The following KCTD8 variants were observed in gnomAD, a reference collection of about 807,000 sequenced individuals.
KCTD8 encodes the protein BTB/POZ domain-containing protein KCTD8.
KCTD8 carries 27 observed loss-of-function variants against 31.5 expected under a neutral mutation model. That is an observed-to-expected ratio of 0.86 (90% CI 0.63 to 1.18). The LOEUF is 1.18. KCTD8 is among the 50% of genes most tolerant of loss of function. The probability of loss-of-function intolerance (pLI) is 0.00; values close to 1 mark genes in which losing one functional copy is unlikely to be tolerated. For synonymous variants in KCTD8, 290 were observed against 280.0 expected, an observed-to-expected ratio of 1.04 and a Z score of -0.36; for missense variants, 658 against 647.7, an observed-to-expected ratio of 1.02 and a Z score of -0.17.
chr4:44,252,481 A>G (rs1417540120), intron 1 of KCTD8, among the ~76,000 whole-genome samples: 3 of 151,678 alleles, frequency 2.0e-5, no homozygotes, highest in East Asian at 1.9e-4. Flanking sequence ...CCCACCATCA[A>G]TGTAGAAGTG....
intron 1 of KCTD8, among the ~76,000 whole-genome samples, chr4:44,199,019 G>T (rs1291926998): frequency 6.6e-6 from 1 of 151,936 alleles, no homozygotes; most frequent in Non-Finnish European, 1.5e-5. Flanking sequence ...GAATAAAACA[G>T]ACTTTAAATC....
At chr4:44,226,157 C>T (rs889137747) in intron 1 of KCTD8, among the ~76,000 whole-genome samples, 2 of 152,198 alleles carry the variant, frequency 1.3e-5, no homozygotes, top group East Asian at 3.9e-4. Context: ...GCCTCATTTG[C>T]ATTAGGTATT....
intron 1 of KCTD8, among the ~76,000 whole-genome samples, chr4:44,265,525 G>A (rs1577582459): frequency 6.6e-6 from 1 of 152,148 alleles, no homozygotes; most frequent in East Asian, 1.9e-4. Flanking sequence ...CACCAGCAAT[G>A]GAACAAAGCT....
At chr4:44,436,887 C>T (rs1014211536) in intron 1 of KCTD8, among the ~76,000 whole-genome samples, 1 of 152,054 alleles carries the variant, frequency 6.6e-6, no homozygotes, top group Non-Finnish European at 1.5e-5. Flanking sequence ...CACTGCTCTG[C>T]TGACAATGCT....
At chr4:44,346,442 T>G (rs1719039076) in intron 1 of KCTD8, among the ~76,000 whole-genome samples, 1 of 152,158 alleles carries the variant, frequency 6.6e-6, no homozygotes, top group South Asian at 2.1e-4. Context: ...CAATTTCAAC[T>G]CTCATAGACA....
chr4:44,266,808 T>C (rs1309036761), intron 1 of KCTD8, among the ~76,000 whole-genome samples: 1 of 152,086 alleles, frequency 6.6e-6, no homozygotes, highest in African/African-American at 2.4e-5. Flanking sequence ...GGCCATTACA[T>C]AATGGTAAAG....
intron 1 of KCTD8, among the ~76,000 whole-genome samples, chr4:44,241,500 C>T (rs1330419702): frequency 1.3e-5 from 2 of 152,156 alleles, no homozygotes; most frequent in African/African-American, 4.8e-5. Flanking sequence ...TAAATAGCTT[C>T]CAAAAGTTAA....
intron 1 of KCTD8, among the ~76,000 whole-genome samples, chr4:44,427,405 A>G (rs1721375645): frequency 6.6e-6 from 1 of 151,532 alleles, no homozygotes; most frequent in Non-Finnish European, 1.5e-5. Flanking sequence ...AAAGAAAGAA[A>G]AAGTGTAAAT....
chr4:44,283,389 A>G (rs1002739101), intron 1 of KCTD8, among the ~76,000 whole-genome samples: 3 of 152,096 alleles, frequency 2.0e-5, no homozygotes, highest in Non-Finnish European at 4.4e-5. Context: ...AGAAGATGTC[A>G]TCTGACATTT....
At chr4:44,313,028 T>C (rs1355764190) in intron 1 of KCTD8, among the ~76,000 whole-genome samples, 1 of 152,178 alleles carries the variant, frequency 6.6e-6, no homozygotes. Flanking sequence ...GTCACTTTCA[T>C]AATCATCTCT....
chr4:44,263,295 C>T (rs969188472), intron 1 of KCTD8, among the ~76,000 whole-genome samples: 52 of 152,186 alleles, frequency 3.4e-4, no homozygotes, highest in African/African-American at 1.2e-3. Context: ...TCAAAGAATA[C>T]TGGTTACACA....
At chr4:44,344,241 G>C (rs1718983262) in intron 1 of KCTD8, among the ~76,000 whole-genome samples, 1 of 151,946 alleles carries the variant, frequency 6.6e-6, no homozygotes. Context: ...CTGCAGTGCA[G>C]TGTTAAAATC....
rs1715889952 is a variant in KCTD8, at chr4:44,253,062, G to A, written c.962-77812C>T. On this transcript the variant is annotated intron_variant, in intron 1 of 1. Transcript: ENST00000360029. ...AGATTATCAAAGTTCCATACATATT[G>A]TAACTAAGTTATTCATTATGTGTTT... Among the ~76,000 whole-genome samples, 2 of 151,544 alleles carry A rather than the reference G, an allele frequency of 1.3e-5. 1 individual carries two copies. Among genetic ancestry groups the A allele is most frequent in the South Asian group, 4.2e-4 (2 of 4,810 alleles).
chr4:44,224,746 T>C (rs766821072), intron 1 of KCTD8, among the ~76,000 whole-genome samples: 8 of 152,344 alleles, frequency 5.3e-5, no homozygotes, highest in African/African-American at 9.6e-5. Flanking sequence ...TAATAGTTCA[T>C]TGCAGCTACT....
At chr4:44,340,065 A>T (rs1419965173) in intron 1 of KCTD8, among the ~76,000 whole-genome samples, 2 of 152,186 alleles carry the variant, frequency 1.3e-5, no homozygotes, top group African/African-American at 4.8e-5. Context: ...ATACAAAAAA[A>T]GACTCTCAGC....
intron 1 of KCTD8, among the ~76,000 whole-genome samples, chr4:44,358,402 G>A (rs923133339): frequency 6.6e-6 from 1 of 152,036 alleles, no homozygotes; most frequent in African/African-American, 2.4e-5. Context: ...AATCCTTTGG[G>A]TATATACCAG....
chr4:44,193,750 C>T (rs1301579510), intron 1 of KCTD8, among the ~76,000 whole-genome samples: 1 of 151,656 alleles, frequency 6.6e-6, no homozygotes, highest in Non-Finnish European at 1.5e-5. Flanking sequence ...CAAGCAATGT[C>T]TATTTATCAA....
intron 1 of KCTD8, among the ~76,000 whole-genome samples, chr4:44,303,295 T>C (rs1717688385): frequency 6.6e-6 from 1 of 152,086 alleles, no homozygotes; most frequent in Non-Finnish European, 1.5e-5. Flanking sequence ...GAAGGAATGG[T>C]ACCAGTTCCT....
intron 1 of KCTD8, among the ~76,000 whole-genome samples, chr4:44,258,749 A>T (rs1042143179): frequency 6.6e-6 from 1 of 151,946 alleles, no homozygotes. Context: ...GATTCTGCAG[A>T]AAGTATTTGC....
Sources: gnomAD v4.1 joint callset for allele counts (sites outside exome capture counted in the v4.1 genomes callset) on GRCh38, gnomAD v4.1.1 for gene constraint, MANE v1.5 for transcripts, NCBI Gene and HGNC (gene_info 2026-07-23, HGNC 2026-07-21) for gene names.